MFF: variants seen among roughly 807,000 people sequenced by gnomAD.
MFF encodes mitochondrial fission factor.
Under a neutral mutation model 36.9 loss-of-function variants are expected in MFF, and 12 were observed. The ratio of observed to expected loss-of-function variants is 0.33; its 90% CI spans 0.21 to 0.53. The LOEUF is 0.53. Among genes scored for constraint, MFF ranks in the 20% least tolerant of loss-of-function variants. The pLI, the probability that MFF is intolerant of heterozygous loss-of-function variation, is 0.95. For synonymous variants in MFF, 99 were observed against 126.2 expected (o/e 0.78, Z 1.44); for missense variants, 348 against 366.6 (o/e 0.95, Z 0.42).
intron 5 of MFF, among the ~76,000 whole-genome samples, chr2:227,345,961 A>G (rs940944133): frequency 1.3e-5 from 2 of 152,128 alleles, no homozygotes; most frequent in African/African-American, 4.8e-5. Context: ...TAATCTTTGA[A>G]AAACATGGTT....
intron 6 of MFF, among the ~76,000 whole-genome samples, chr2:227,349,330 C>T (rs1003885194): frequency 6.6e-6 from 1 of 151,754 alleles, no homozygotes; most frequent in African/African-American, 2.4e-5. Context: ...AATCAAAAAT[C>T]GTATTAGTAT....
intron 5 of MFF, chr2:227,346,980 C>G: frequency 9.3e-6 from 3 of 323,940 alleles, no homozygotes; most frequent in Non-Finnish European, 1.7e-5. Context: ...TCCCTCTCTA[C>G]AGTTCTTTCA....
chr2:227,350,264 T>TA lies in MFF; in HGVS notation c.600-2249dup, dbSNP rs1484232133. Among the ~76,000 whole-genome samples the TA allele has an allele frequency of 2.0e-5, 3 of 152,244 alleles. No homozygotes were observed. In the East Asian group the frequency reaches 5.8e-4, roughly 29 times the overall value. On this transcript the variant is annotated intron_variant, in intron 6 of 8. Transcript: ENST00000304593. ...GGTGCAGCAGAAATTAAAATACTAT[T>TA]ATGATTTGGTCCTTAACTGGTTAGA...
chr2:227,325,898 A>G (rs993369829), intron 1 of MFF, among the ~76,000 whole-genome samples: 2 of 152,084 alleles, frequency 1.3e-5, no homozygotes, highest in African/African-American at 4.8e-5. Flanking sequence ...TGGCAAGTAC[A>G]TTTTGGAAAA....
chr2:227,325,501 C>G (rs906126890), intron 1 of MFF, 74 bp downstream of exon 1: 1 of 152,592 alleles, frequency 6.6e-6, no homozygotes, highest in Non-Finnish European at 1.5e-5. Flanking sequence ...GCCGCCGAGA[C>G]CCTCCGGCCA....
At chr2:227,326,195 T>C (rs1466635193) in intron 1 of MFF, among the ~76,000 whole-genome samples, 1 of 148,810 alleles carries the variant, frequency 6.7e-6, no homozygotes, top group Non-Finnish European at 1.5e-5. Context: ...CTTTCAAAAG[T>C]GACATGTTTT....
At chr2:227,345,878 C>T (rs895922719) in intron 5 of MFF, among the ~76,000 whole-genome samples, 1 of 152,098 alleles carries the variant, frequency 6.6e-6, no homozygotes, top group South Asian at 2.1e-4. Context: ...CCAAATTTGA[C>T]CTAAATCCTA....
At chr2:227,338,541 CATA>C (rs1393281691) in intron 4 of MFF, among the ~76,000 whole-genome samples, 1 of 151,408 alleles carries the variant, frequency 6.6e-6, no homozygotes, top group Non-Finnish European at 1.5e-5. Context: ...TTTTAAAAAC[CATA>C]ATGTCGGCCG....
chr2:227,349,756 T>C (rs1339454713), intron 6 of MFF, among the ~76,000 whole-genome samples: 1 of 152,198 alleles, frequency 6.6e-6, no homozygotes, highest in Non-Finnish European at 1.5e-5. Context: ...GAAATTTGGA[T>C]AATGTTCTAC....
chr2:227,342,674 AAAATC>A (rs1385752181), intron 5 of MFF: 1 of 1,289,206 alleles, frequency 7.8e-7, no homozygotes, highest in Non-Finnish European at 1.1e-6. Flanking sequence ...TCTAAACAGT[AAAATC>A]AGATCTAGCT....
chr2:227,350,850 T>C (rs2075960184), intron 6 of MFF, among the ~76,000 whole-genome samples: 1 of 152,210 alleles, frequency 6.6e-6, no homozygotes, highest in African/African-American at 2.4e-5. Context: ...ATCATACTTA[T>C]CGTAGAAAAT....
chr2:227,348,147 AG>A (rs1458555872), intron 6 of MFF, among the ~76,000 whole-genome samples: 1 of 152,132 alleles, frequency 6.6e-6, no homozygotes, highest in Non-Finnish European at 1.5e-5. Flanking sequence ...TCTGGTAGTC[AG>A]GGTTTGAATT....
At chr2:227,331,744 A>G (rs554359813) in intron 3 of MFF, among the ~76,000 whole-genome samples, 1 of 152,142 alleles carries the variant, frequency 6.6e-6, no homozygotes, top group African/African-American at 2.4e-5. Flanking sequence ...CTGATTATTA[A>G]TAATTTTGAA....
In MFF at chr2:227,357,163, T is replaced by C. The variant is rs371945523; in HGVS notation, c.*46T>C. The C allele has an allele frequency of 4.1e-5, 65 of 1,586,228 alleles. No individual in the cohort carries two copies. The highest frequency in any genetic ancestry group is 1.6e-4 in the African/African-American group (12 of 73,620). ...AATACTGTCTCAACAGCTGGAAATA[T>C]AAAAGATTTGCAAACTTCTTTGTTT... On this transcript the variant is annotated 3_prime_UTR_variant, in exon 9 of 9. Coordinates refer to ENST00000304593, the MANE Select transcript of MFF (RefSeq NM_001277062.2).
At chr2:227,347,121 G>C (rs1213526789) in intron 5 of MFF, 105 bp from the exon 6 acceptor site, 2 of 903,658 alleles carry the variant, frequency 2.2e-6, no homozygotes, top group East Asian at 4.9e-5. Flanking sequence ...GGGTGGGAAA[G>C]GGGCAAGAAC....
chr2:227,340,380 T>TGTGAGTA lies in MFF; in HGVS notation c.440+2_440+8dup. ...GGACAGCTGGTCAGAAATGATTCTC[T>TGTGAGTA]GTGAGTAGAAGCACTAGCATTTTAT... On this transcript the variant is annotated stop_gained and frameshift_variant and splice_region_variant. Coordinates refer to ENST00000304593, the MANE Select transcript of MFF (RefSeq NM_001277062.2). LOFTEE classifies it high-confidence loss of function. 6.2e-7 allele frequency: 1 copy of TGTGAGTA among 1,609,202 alleles called. No homozygotes were observed. Among genetic ancestry groups the TGTGAGTA allele is most frequent in the Non-Finnish European group, 8.5e-7 (1 of 1,176,424 alleles).
rs745513603 is a variant in MFF, at chr2:227,357,156, G to A, written c.*39G>A. 7.6e-5 allele frequency: 120 copies of A among 1,588,644 alleles called. No homozygotes were observed. The highest frequency in any genetic ancestry group is 9.6e-5 in the Non-Finnish European group (112 of 1,169,876). On this transcript the variant is annotated 3_prime_UTR_variant, in exon 9 of 9. Transcript: ENST00000304593. Reference sequence around the variant, plus strand: ...CCTCAAAAATACTGTCTCAACAGCTGGAAATATAAAAGATTTGCAAACTTC... The same window carrying A: ...CCTCAAAAATACTGTCTCAACAGCTAGAAATATAAAAGATTTGCAAACTTC...
chr2:227,334,976 C>T (rs2074877583), intron 4 of MFF, among the ~76,000 whole-genome samples: 1 of 152,024 alleles, frequency 6.6e-6, no homozygotes, highest in Non-Finnish European at 1.5e-5. Flanking sequence ...CAAGACCAGC[C>T]TGGCCAACAT....
In MFF at chr2:227,332,208, G is replaced by A. The variant is rs183202595; in HGVS notation, c.182-211G>A. Among the ~76,000 whole-genome samples the A allele has an allele frequency of 4.8e-4, 73 of 151,716 alleles. 3 individuals are homozygous for A. The highest frequency in any genetic ancestry group is 9.8e-4 in the Admixed American group (15 of 15,236). ...GGGATGGTCTCGATCTCTTGACCTC[G>A]TGATCCGCCCGCCTCGGCCTCCCAA... On this transcript the variant is annotated intron_variant, in intron 3 of 8. Transcript: ENST00000304593.
Sources: gnomAD v4.1 joint callset for allele counts (sites outside exome capture counted in the v4.1 genomes callset) on GRCh38, gnomAD v4.1.1 for gene constraint, MANE v1.5 for transcripts, NCBI Gene and HGNC (gene_info 2026-07-23, HGNC 2026-07-21) for gene names.